COL21A1: variants seen among roughly 807,000 people sequenced by gnomAD.
The protein encoded by COL21A1 is collagen type XXI alpha 1 chain.
COL21A1 carries 149 observed loss-of-function variants against 137.9 expected under a neutral mutation model. The observed-to-expected ratio is 1.08, with a 90% CI of 0.95 to 1.24. The LOEUF is 1.24. Among genes scored for constraint, COL21A1 ranks in the 50% most tolerant of loss-of-function variants. The probability of loss-of-function intolerance (pLI) is 0.00; values close to 1 mark genes in which losing one functional copy is unlikely to be tolerated. For synonymous variants in COL21A1, 456 were observed against 391.5 expected (o/e 1.16, Z -1.95); for missense variants, 1,167 against 1,158.4 (o/e 1.01, Z -0.11).
chr6:56,235,959 G>A (rs1372230504), intron 1 of COL21A1, among the ~76,000 whole-genome samples: 1 of 152,018 alleles, frequency 6.6e-6, no homozygotes, highest in Non-Finnish European at 1.5e-5. Flanking sequence ...AACAGCAACA[G>A]GTCTGAGTTG....
At chr6:56,167,035 T>C (rs926898696) in intron 6 of COL21A1, 52 bp from the exon 7 acceptor site, 44 of 1,315,862 alleles carry the variant, frequency 3.3e-5, no homozygotes, top group Non-Finnish European at 4.3e-5. Flanking sequence ...CTAATTGTTT[T>C]ATAAGAGCAA....
intron 1 of COL21A1, among the ~76,000 whole-genome samples, chr6:56,283,703 C>T (rs1373461016): frequency 1.3e-5 from 2 of 151,992 alleles, no homozygotes; most frequent in African/African-American, 4.8e-5. Context: ...AAACCGTGTG[C>T]AAACTTCACG....
chr6:56,354,108 G>C (rs1206621459), intron 1 of COL21A1, among the ~76,000 whole-genome samples: 1 of 152,180 alleles, frequency 6.6e-6, no homozygotes, highest in Non-Finnish European at 1.5e-5. Context: ...ATATAAAGTT[G>C]AGTAAAAGAA....
rs144688498 is a variant in COL21A1, at chr6:56,376,836, AC to A, written c.-39+17134del. Among the ~76,000 whole-genome samples the A allele has an allele frequency of 4.6e-3, 455 of 98,986 alleles. 2 individuals carry two copies. Among genetic ancestry groups the A allele is most frequent in the Non-Finnish European group, 5.3e-3 (273 of 51,316 alleles). The allele number at this position is 98,986 out of a possible 152,430, so 64.9% of individuals were successfully genotyped here. On this transcript the variant is annotated intron_variant, in intron 1 of 28. Transcript: ENST00000370819. ...CTCCACCAATCGACGCCCACCCCCC[AC>A]CCCCCCCAAACAAGGACACCAATTT...
At chr6:56,393,362 A>T (rs1195818781) in intron 1 of COL21A1, among the ~76,000 whole-genome samples, 2 of 152,232 alleles carry the variant, frequency 1.3e-5, no homozygotes, top group African/African-American at 4.8e-5. Context: ...TAGATTAAAG[A>T]CTTAAATCTA....
intron 1 of COL21A1, among the ~76,000 whole-genome samples, chr6:56,366,295 C>T (rs1192886690): frequency 6.6e-6 from 1 of 152,118 alleles, no homozygotes; most frequent in East Asian, 1.9e-4. Context: ...GCTCTCCCTC[C>T]TCCCATAACA....
chr6:56,211,224 T>TATAATGAAAGGATAC (rs1780156712), intron 1 of COL21A1, among the ~76,000 whole-genome samples: 1 of 42,748 alleles, frequency 2.3e-5, no homozygotes, highest in Non-Finnish European at 4.4e-5. Flanking sequence ...TATATGTATA[T>TATAATGAAAGGATAC]ATACATATAT....
At chr6:56,328,239 T>C (rs1442322980) in intron 1 of COL21A1, among the ~76,000 whole-genome samples, 3 of 152,116 alleles carry the variant, frequency 2.0e-5, no homozygotes, top group African/African-American at 7.2e-5. Flanking sequence ...TTTTAAAATA[T>C]GAGTTCTTTC....
chr6:56,260,864 G>GTGTGTGTGTGTGTC lies in COL21A1; in HGVS notation c.-38-78209_-38-78208insGACACACACACACA, dbSNP rs1763254047. ...TTTAATTCACTGTGTGTGTGTGTGTGTGTGTGTGTGTGTATGTGTGTGTGT... is the reference window on the plus strand; with the variant it reads ...TTTAATTCACTGTGTGTGTGTGTGTGTGTGTGTGTGTGTCTGTGTGTGTGTGTATGTGTGTGTGT... On this transcript the variant is annotated intron_variant, in intron 1 of 28. Coordinates refer to the COL21A1 transcript ENST00000370819. Among the ~76,000 whole-genome samples, 3 of 139,834 alleles carry GTGTGTGTGTGTGTC rather than the reference G, an allele frequency of 2.1e-5. No individual in the cohort carries two copies. In the South Asian group the frequency reaches 6.8e-4, roughly 32 times the overall value. The allele number at this position is 139,834 out of a possible 152,430, so 91.7% of individuals were successfully genotyped here. A position where few individuals can be genotyped will look rare whatever the true frequency, so the allele number is the denominator to read the frequency against.
At chr6:56,283,577 A>C (rs534792951) in intron 1 of COL21A1, among the ~76,000 whole-genome samples, 1 of 152,158 alleles carries the variant, frequency 6.6e-6, no homozygotes, top group Non-Finnish European at 1.5e-5. Context: ...TTTTTAAAGG[A>C]AGACATATAC....
rs372966353 is a variant in COL21A1 at position 56,282,183 on chromosome 6, C to A, written c.-38-99527G>T. On this transcript the variant is annotated intron_variant, in intron 1 of 28. Coordinates refer to the COL21A1 transcript ENST00000370819. ...TAGAAAATCACCTTAGGAAGCCTTTCTATTAATTACCATCAAAATTTTGTT... is the reference window on the plus strand; with the variant it reads ...TAGAAAATCACCTTAGGAAGCCTTTATATTAATTACCATCAAAATTTTGTT... Among the ~76,000 whole-genome samples the A allele has an allele frequency of 3.0e-4, 46 of 152,186 alleles. No homozygotes were observed. In the East Asian group the frequency reaches 5.2e-3, roughly 17 times the overall value.
At chr6:56,126,704 A>G (rs1431955461) in intron 12 of COL21A1, 2 of 152,332 alleles carry the variant, frequency 1.3e-5, no homozygotes, top group African/African-American at 4.8e-5. Flanking sequence ...CTTGTTATTT[A>G]GTAGATATAA....
At chr6:56,182,420 G>A in intron 2 of COL21A1, 111 bp downstream of exon 2, 1 of 684,262 alleles carries the variant, frequency 1.5e-6, no homozygotes, top group Non-Finnish European at 2.5e-6. Flanking sequence ...GGGAGTTACA[G>A]AATCAAAGAC....
intron 1 of COL21A1, among the ~76,000 whole-genome samples, chr6:56,289,450 C>T (rs1317183403): frequency 6.6e-6 from 1 of 152,176 alleles, no homozygotes; most frequent in African/African-American, 2.4e-5. Context: ...ACAGAGCGTG[C>T]ATCTTCACCT....
At chr6:56,339,986 C>A (rs1249532899) in intron 1 of COL21A1, among the ~76,000 whole-genome samples, 1 of 152,114 alleles carries the variant, frequency 6.6e-6, no homozygotes, top group Non-Finnish European at 1.5e-5. Flanking sequence ...TTACTTGTGC[C>A]AGTAGTTTGG....
At chr6:56,162,667 G>T (rs533837966) in intron 9 of COL21A1, among the ~76,000 whole-genome samples, 35 of 152,298 alleles carry the variant, frequency 2.3e-4, no homozygotes, top group African/African-American at 8.4e-4. Flanking sequence ...GCTTTGATAG[G>T]TCAGACAGCA....
At chr6:56,235,821 T>C (rs995022526) in intron 1 of COL21A1, among the ~76,000 whole-genome samples, 12 of 151,570 alleles carry the variant, frequency 7.9e-5, no homozygotes, top group Non-Finnish European at 1.5e-4. Flanking sequence ...TAGAAGACTT[T>C]GGACAAAAAA....
intron 1 of COL21A1, among the ~76,000 whole-genome samples, chr6:56,281,968 T>C (rs992057373): frequency 4.6e-5 from 7 of 152,076 alleles, no homozygotes; most frequent in East Asian, 1.9e-4. Context: ...TTTTTGTCAA[T>C]ACCAAATAAA....
At chr6:56,117,627 A>G (rs2152200704) in intron 16 of COL21A1, among the ~76,000 whole-genome samples, 1 of 152,184 alleles carries the variant, frequency 6.6e-6, no homozygotes, top group South Asian at 2.1e-4. Flanking sequence ...AGAGCTGCAG[A>G]ATATAAATTC....
Sources: allele counts gnomAD v4.1 joint callset (sites outside exome capture counted in the v4.1 genomes callset), GRCh38; gene constraint gnomAD v4.1.1; transcripts MANE v1.5; gene names NCBI Gene and HGNC (gene_info 2026-07-23, HGNC 2026-07-21).